CSMD1: variants seen among roughly 807,000 people sequenced by gnomAD.
CSMD1 encodes the protein CUB and sushi domain-containing protein 1.
Under a neutral mutation model 417.5 loss-of-function variants are expected in CSMD1, and 213 were observed. The ratio of observed to expected loss-of-function variants is 0.51; its 90% CI spans 0.46 to 0.57. The LOEUF is 0.57. Among genes scored for constraint, CSMD1 ranks in the 20% least tolerant of loss-of-function variants. The pLI is 0.00. For synonymous variants in CSMD1, 2,862 were observed against 1,736.8 expected (o/e 1.65, Z -16.11); for missense variants, 6,923 against 4,529.7 (o/e 1.53, Z -15.17).
At chr8:4,411,707 T>C (rs10107756) in intron 3 of CSMD1, among the ~76,000 whole-genome samples, 3 of 152,154 alleles carry the variant, frequency 2.0e-5, no homozygotes, top group Non-Finnish European at 4.4e-5. Flanking sequence ...CACGAAAGCA[T>C]ATATATATGT....
intron 60 of CSMD1, among the ~76,000 whole-genome samples, chr8:2,962,976 A>C (rs559380791): frequency 4.6e-5 from 7 of 152,246 alleles, no homozygotes; most frequent in African/African-American, 1.7e-4. Flanking sequence ...TGAGCCCGAG[A>C]GATTGAGGCT....
chr8:4,895,735 A>G (rs1305220249), intron 1 of CSMD1, among the ~76,000 whole-genome samples: 2 of 150,666 alleles, frequency 1.3e-5, no homozygotes, highest in African/African-American at 4.9e-5. Flanking sequence ...CAAAGCCTCT[A>G]TTTTTCTAGT....
At chr8:4,115,846 C>G (rs956660162) in intron 3 of CSMD1, among the ~76,000 whole-genome samples, 7 of 152,002 alleles carry the variant, frequency 4.6e-5, no homozygotes, top group African/African-American at 1.5e-4. Context: ...AAGGTACATA[C>G]TGCATGATCC....
At chr8:4,810,149 A>G (rs1798812830) in intron 1 of CSMD1, among the ~76,000 whole-genome samples, 1 of 152,220 alleles carries the variant, frequency 6.6e-6, no homozygotes, top group South Asian at 2.1e-4. Flanking sequence ...CATTTTATAT[A>G]ATTCTAAAAT....
chr8:4,255,161 C>T (rs1392158596), intron 3 of CSMD1, among the ~76,000 whole-genome samples: 1 of 152,186 alleles, frequency 6.6e-6, no homozygotes, highest in Non-Finnish European at 1.5e-5. Flanking sequence ...ATACATAGAG[C>T]TTTATCCCAT....
intron 2 of CSMD1, among the ~76,000 whole-genome samples, chr8:4,536,494 T>G (rs555183126): frequency 6.6e-6 from 1 of 152,166 alleles, no homozygotes; most frequent in South Asian, 2.1e-4. Context: ...CTACCTTGTC[T>G]TTTTCTCTTA....
chr8:4,078,185 A>T (rs1484762832), intron 3 of CSMD1, among the ~76,000 whole-genome samples: 1 of 152,090 alleles, frequency 6.6e-6, no homozygotes, highest in Non-Finnish European at 1.5e-5. Context: ...GCTATTTTCA[A>T]CTCTTTGCTG....
chr8:3,771,922 A>G (rs1253362227), intron 5 of CSMD1, among the ~76,000 whole-genome samples: 1 of 152,034 alleles, frequency 6.6e-6, no homozygotes, highest in Non-Finnish European at 1.5e-5. Context: ...AAAATAGCCC[A>G]CAGGCAACTC....
intron 2 of CSMD1, among the ~76,000 whole-genome samples, chr8:4,490,126 T>C (rs1821880): frequency 0.12 from 18,429 of 150,390 alleles, 1,351 homozygotes; most frequent in Admixed American, 0.2. Context: ...CTGCAACCTC[T>C]GCCTCCTGAG....
At chr8:4,584,292 C>T (rs962001618) in intron 2 of CSMD1, among the ~76,000 whole-genome samples, 4 of 151,950 alleles carry the variant, frequency 2.6e-5, no homozygotes, top group African/African-American at 9.7e-5. Context: ...GTGAGACAAT[C>T]GCCGAGTGGT....
chr8:4,055,711 A>T (rs1321041362), intron 3 of CSMD1, among the ~76,000 whole-genome samples: 2 of 152,188 alleles, frequency 1.3e-5, no homozygotes, highest in Non-Finnish European at 2.9e-5. Flanking sequence ...ACCATGTATT[A>T]ATTACAAATA....
At chr8:4,907,336 G>T (rs1164425206) in intron 1 of CSMD1, among the ~76,000 whole-genome samples, 1 of 152,104 alleles carries the variant, frequency 6.6e-6, no homozygotes, top group Non-Finnish European at 1.5e-5. Flanking sequence ...TTAACCTTCA[G>T]ACAAAACGGC....
chr8:2,962,611 G>A lies in CSMD1; in HGVS notation c.9483C>T (p.Pro3161=), dbSNP rs770989997. Residue 3161 remains proline, a synonymous_variant, in exon 61 of 70, where the codon CCC becomes CCT. Transcript: ENST00000635120. ...TTTTCCCACTAAGTCGCCCTTCTGC[G>A]GGGATGCCAGGGTCTCCGCAGAACA... The part of the protein sequence containing the change: ...LPVFCGDPGI[P]AEGRLSGKSF... 6.2e-6 allele frequency: 10 copies of A among 1,613,620 alleles called. No individual in the cohort carries two copies. Among genetic ancestry groups the A allele is most frequent in the Admixed American group, 1.7e-5 (1 of 59,982 alleles).
intron 38 of CSMD1, among the ~76,000 whole-genome samples, chr8:3,158,889 G>C (rs185741468): frequency 6.6e-6 from 1 of 152,062 alleles, no homozygotes; most frequent in Non-Finnish European, 1.5e-5. Context: ...GCCACACTGG[G>C]AACGCATCAA....
intron 8 of CSMD1, among the ~76,000 whole-genome samples, chr8:3,588,331 A>AAGG (rs57181211): frequency 6.6e-6 from 1 of 151,744 alleles, no homozygotes; most frequent in South Asian, 2.1e-4. Context: ...GAAAACAAAA[A>AAGG]GTCATAAAGC....
At chr8:4,800,580 G>A (rs1437696708) in intron 1 of CSMD1, among the ~76,000 whole-genome samples, 2 of 152,236 alleles carry the variant, frequency 1.3e-5, no homozygotes, top group African/African-American at 2.4e-5. Flanking sequence ...ACCGTCAGAG[G>A]CAGAGCAGGG....
chr8:4,661,022 A>C (rs1324020559), intron 1 of CSMD1, among the ~76,000 whole-genome samples: 1 of 152,190 alleles, frequency 6.6e-6, no homozygotes, highest in Non-Finnish European at 1.5e-5. Context: ...GCTGGTTGGA[A>C]TGCAAAATGG....
chr8:4,151,120 G>C (rs1796551262), intron 3 of CSMD1, among the ~76,000 whole-genome samples: 1 of 152,156 alleles, frequency 6.6e-6, no homozygotes, highest in Admixed American at 6.5e-5. Context: ...GAAGATATTA[G>C]GATCCCTGTT....
intron 5 of CSMD1, among the ~76,000 whole-genome samples, chr8:3,916,386 T>C (rs1198023383): frequency 6.6e-6 from 1 of 152,152 alleles, no homozygotes; most frequent in African/African-American, 2.4e-5. Context: ...GGTAATTCCA[T>C]GATGAAATAA....
Sources: allele counts gnomAD v4.1 joint callset (sites outside exome capture counted in the v4.1 genomes callset), GRCh38; gene constraint gnomAD v4.1.1; transcripts MANE v1.5; gene names NCBI Gene and HGNC (gene_info 2026-07-23, HGNC 2026-07-21).